C2CD3: variants seen among roughly 807,000 people sequenced by gnomAD.
C2CD3 encodes the protein C2 domain-containing protein 3.
A neutral mutation model predicts 234.0 loss-of-function variants in C2CD3; 148 were observed. That is an observed-to-expected ratio of 0.63 (90% CI 0.55 to 0.72). The LOEUF (loss-of-function observed/expected upper bound fraction) is 0.72, where lower values mean the gene tolerates loss of function less well. Ranked by LOEUF, C2CD3 falls within the 30% of genes least tolerant of loss-of-function variation. The pLI, the probability that C2CD3 is intolerant of heterozygous loss-of-function variation, is 0.00. For missense variants in C2CD3, 2,577 were observed against 2,811.5 expected (o/e 0.92, Z 1.89); for synonymous variants, 1,000 against 1,035.4 (o/e 0.97, Z 0.66).
chr11:74,038,714 T>C (rs889230077), intron 29 of C2CD3, among the ~76,000 whole-genome samples: 1 of 152,236 alleles, frequency 6.6e-6, no homozygotes, highest in Non-Finnish European at 1.5e-5. Flanking sequence ...CAAAGTCCAT[T>C]ATCCCAAATC....
intron 24 of C2CD3, among the ~76,000 whole-genome samples, chr11:74,073,181 A>T (rs1954877127): frequency 1.3e-5 from 2 of 152,222 alleles, no homozygotes; most frequent in Admixed American, 1.3e-4. Context: ...ATAATGTAAA[A>T]CACATAGGAT....
chr11:74,015,880 A>G (rs562956154), intron 32 of C2CD3, among the ~76,000 whole-genome samples: 1 of 151,660 alleles, frequency 6.6e-6, no homozygotes, highest in Admixed American at 6.6e-5. Flanking sequence ...CAGCTTGGTC[A>G]ACATAGGGAA....
chr11:74,033,736 G>A lies in C2CD3; in HGVS notation c.6424C>T (p.Pro2142Ser), dbSNP rs553083555. The A allele has an allele frequency of 1.3e-6, 2 of 1,536,430 alleles. No individual in the cohort carries two copies. Among genetic ancestry groups the A allele is most frequent in the Non-Finnish European group, 1.7e-6 (2 of 1,146,948 alleles). ...SPERAVNPHL[P>S]RQGSPSQSLV... ...CTTTGGCTAGGAGAACCCTGCCTAGGCAGGTGGGGGTTGACAGCCCTTTCT... is the reference window on the plus strand; with the variant it reads ...CTTTGGCTAGGAGAACCCTGCCTAGACAGGTGGGGGTTGACAGCCCTTTCT... The change falls in exon 31 of 33, where the codon CCT becomes TCT. Residue 2142 changes from proline (P) to serine (S), a missense_variant. Transcript: ENST00000334126.
At chr11:74,019,057 T>C (rs907522026) in intron 32 of C2CD3, among the ~76,000 whole-genome samples, 3 of 152,122 alleles carry the variant, frequency 2.0e-5, no homozygotes, top group African/African-American at 4.8e-5. Context: ...CAACCCTTTT[T>C]TTTGTTTGTT....
At chr11:74,048,602 T>C (rs1953504814) in intron 27 of C2CD3, among the ~76,000 whole-genome samples, 1 of 152,248 alleles carries the variant, frequency 6.6e-6, no homozygotes, top group Admixed American at 6.5e-5. Flanking sequence ...TTCCTCCAGC[T>C]ATTAATACAC....
chr11:74,137,620 C>T (rs191759723), intron 5 of C2CD3, among the ~76,000 whole-genome samples: 4 of 149,818 alleles, frequency 2.7e-5, no homozygotes, highest in South Asian at 2.1e-4. Context: ...AGTCTTGCTC[C>T]GTTGCCCAGG....
intron 32 of C2CD3, among the ~76,000 whole-genome samples, chr11:74,018,197 T>C (rs570077964): frequency 6.6e-6 from 1 of 152,236 alleles, no homozygotes; most frequent in East Asian, 1.9e-4. Flanking sequence ...AGGTATAATA[T>C]CTTACAAAAC....
At chr11:74,150,524 A>AAAAAAAAAAAAATT in intron 3 of C2CD3, among the ~76,000 whole-genome samples, 1 of 59,782 alleles carries the variant, frequency 1.7e-5, no homozygotes, top group Non-Finnish European at 3.3e-5. Flanking sequence ...AACAAAAAAA[A>AAAAAAAAAAAAATT]AACAAAACAA....
chr11:74,014,130 A>G (rs1186717126), intron 32 of C2CD3, among the ~76,000 whole-genome samples: 1 of 152,142 alleles, frequency 6.6e-6, no homozygotes, highest in East Asian at 1.9e-4. Context: ...GGGCTATGGT[A>G]TCATGGTCCT....
At position 74,034,094 on chromosome 11, in the gene C2CD3, AG is replaced by A. The variant is rs1315262189; in HGVS notation, c.6065del (p.Pro2022LeufsTer17). On this transcript the variant is annotated frameshift_variant, in exon 31 of 33. Transcript: ENST00000334126. LOFTEE classifies it high-confidence loss of function. ...CTCCATTTGAAGTCTCTTCGAGAGGAGGGGGTGATGGGGAATCTGTGCCTTT... is the reference window on the plus strand; with the variant it reads ...CTCCATTTGAAGTCTCTTCGAGAGGAGGGGTGATGGGGAATCTGTGCCTTT... Reference protein sequence around the residue: ...PDKGTDSPSPPPLEETSNGGR... With the variant: ...PDKGTDSPSPXPLEETSNGGR... 1.3e-6 allele frequency: 2 copies of A among 1,536,026 alleles called. No individual in the cohort carries two copies. Among genetic ancestry groups the A allele is most frequent in the Non-Finnish European group, 1.7e-6 (2 of 1,146,884 alleles).
intron 3 of C2CD3, among the ~76,000 whole-genome samples, chr11:74,148,972 T>C (rs1855407856): frequency 1.3e-5 from 2 of 152,182 alleles, no homozygotes; most frequent in East Asian, 1.9e-4. Context: ...AGTTCGATAA[T>C]TTTGTTACAT....
chr11:74,080,718 T>C (rs1217834935), intron 22 of C2CD3, among the ~76,000 whole-genome samples: 3 of 152,206 alleles, frequency 2.0e-5, no homozygotes, highest in African/African-American at 7.2e-5. Flanking sequence ...ATTTCCCAGA[T>C]GGTGCTTGTT....
chr11:74,074,600 C>A lies in C2CD3; in HGVS notation c.4604G>T (p.Gly1535Val). 2 of 1,606,944 alleles carry A rather than the reference C, an allele frequency of 1.2e-6. No homozygotes were observed. The highest frequency in any genetic ancestry group is 1.7e-6 in the Non-Finnish European group (2 of 1,175,926). Residue 1535 changes from glycine (G) to valine (V), a missense_variant and splice_region_variant, in exon 24 of 33, where the codon GGT becomes GTT. Coordinates refer to ENST00000334126, the MANE Select transcript of C2CD3 (RefSeq NM_001286577.2). ...ERSARTLTVS[G>V]VYPLFGRNAS... ...ATTTCGTCCAAACAGAGGATACACA[C>A]CTAAAAGAAGATGGAGAAGAATAAG...
Position 74,139,745 on chromosome 11 carries a change from A to C in C2CD3, c.567T>G (p.Leu189=). The C allele has an allele frequency of 6.2e-7, 1 of 1,613,716 alleles. No homozygotes were observed. The highest frequency in any genetic ancestry group is 1.1e-5 in the South Asian group (1 of 91,080). ...TCTCTCTGAATCCCTGCTTAGATAAAAGCACATTTTCTGTCATGTCAGTGG... is the reference window on the plus strand; with the variant it reads ...TCTCTCTGAATCCCTGCTTAGATAACAGCACATTTTCTGTCATGTCAGTGG... The part of the protein sequence containing the change: ...LPTTDMTENV[L]LSKQGFRENT... The change falls in exon 4 of 33, where the codon CTT becomes CTG. Residue 189 remains leucine, a synonymous_variant. Transcript: ENST00000334126.
At chr11:74,060,835 A>G (rs1954202062) in intron 24 of C2CD3, among the ~76,000 whole-genome samples, 2 of 152,226 alleles carry the variant, frequency 1.3e-5, no homozygotes, top group South Asian at 4.1e-4. Flanking sequence ...TCCAAGCTAA[A>G]GGAGGATGTT....
chr11:74,149,048 C>T (rs1436304788), intron 3 of C2CD3, among the ~76,000 whole-genome samples: 2 of 152,182 alleles, frequency 1.3e-5, no homozygotes, highest in African/African-American at 2.4e-5. Context: ...AATTTCTATA[C>T]CTGATTCCTG....
intron 16 of C2CD3, 79 bp downstream of exon 16, chr11:74,097,930 A>G (rs1160213905): frequency 3.6e-6 from 5 of 1,400,090 alleles, no homozygotes; most frequent in Non-Finnish European, 4.9e-6. Context: ...ACAGAAATAA[A>G]GGATTTGGGC....
At chr11:74,063,387 C>G (rs1463559143) in intron 24 of C2CD3, among the ~76,000 whole-genome samples, 1 of 152,162 alleles carries the variant, frequency 6.6e-6, no homozygotes, top group Non-Finnish European at 1.5e-5. Flanking sequence ...CAATAAAATA[C>G]TGGCAAACCG....
intron 32 of C2CD3, among the ~76,000 whole-genome samples, chr11:74,014,982 C>A (rs755120234): frequency 1.3e-5 from 2 of 152,154 alleles, no homozygotes; most frequent in African/African-American, 2.4e-5. Flanking sequence ...AGATCTATCT[C>A]CCTGCCTTCT....
Sources: gnomAD v4.1 joint callset for allele counts (sites outside exome capture counted in the v4.1 genomes callset) on GRCh38, gnomAD v4.1.1 for gene constraint, MANE v1.5 for transcripts, NCBI Gene and HGNC (gene_info 2026-07-23, HGNC 2026-07-21) for gene names.